MARCHF3: variants seen among roughly 807,000 people sequenced by gnomAD.
The protein encoded by MARCHF3 is membrane associated ring-CH-type finger 3.
Under a neutral mutation model 24.2 loss-of-function variants are expected in MARCHF3, and 13 were observed. The ratio of observed to expected loss-of-function variants is 0.54; its 90% confidence interval spans 0.35 to 0.85. The LOEUF (loss-of-function observed/expected upper bound fraction) is 0.85, where lower values mean the gene tolerates loss of function less well. Ranked by LOEUF, MARCHF3 falls within the 40% of genes least tolerant of loss-of-function variation. MARCHF3 has a pLI of 0.01. For synonymous variants in MARCHF3, 144 were observed against 137.3 expected (o/e 1.05, Z -0.34); for missense variants, 276 against 325.0 (o/e 0.85, Z 1.16).
intron 1 of MARCHF3, among the ~76,000 whole-genome samples, chr5:126,977,135 G>A (rs906199151): frequency 1.1e-4 from 17 of 152,212 alleles, no homozygotes; most frequent in Admixed American, 1.0e-3. Context: ...TGGGTCCGAG[G>A]TAAATAGCAG....
At chr5:127,000,542 T>C (rs1436862521) in intron 1 of MARCHF3, among the ~76,000 whole-genome samples, 1 of 152,102 alleles carries the variant, frequency 6.6e-6, no homozygotes, top group Non-Finnish European at 1.5e-5. Context: ...TGAAACAATC[T>C]TCACTCCACA....
At chr5:126,967,304 G>A (rs761743803) in intron 1 of MARCHF3, among the ~76,000 whole-genome samples, 9 of 152,030 alleles carry the variant, frequency 5.9e-5, no homozygotes, top group Non-Finnish European at 5.9e-5. Flanking sequence ...CACGATATGC[G>A]ATTCTTGTAA....
intron 1 of MARCHF3, among the ~76,000 whole-genome samples, chr5:126,953,167 T>C (rs1445280932): frequency 6.6e-6 from 1 of 152,202 alleles, no homozygotes; most frequent in Admixed American, 6.5e-5. Context: ...CAGGCAGTTC[T>C]AATTGCCTTT....
At chr5:126,974,727 C>T (rs1751139454) in intron 1 of MARCHF3, among the ~76,000 whole-genome samples, 1 of 152,188 alleles carries the variant, frequency 6.6e-6, no homozygotes, top group South Asian at 2.1e-4. Context: ...ACTGTGTTTA[C>T]TCAGACAATA....
intron 4 of MARCHF3, among the ~76,000 whole-genome samples, chr5:126,872,074 C>A (rs370556230): frequency 1.1e-5 from 1 of 94,514 alleles, no homozygotes. Context: ...AGATCCTTGT[C>A]TTTTTTTTTT....
chr5:126,944,036 T>C (rs1257057053), intron 1 of MARCHF3, among the ~76,000 whole-genome samples: 2 of 151,932 alleles, frequency 1.3e-5, no homozygotes. Flanking sequence ...TGTCTTGAAC[T>C]CCTGACCTCA....
chr5:127,000,771 T>G (rs1356486880), intron 1 of MARCHF3, among the ~76,000 whole-genome samples: 3 of 152,128 alleles, frequency 2.0e-5, no homozygotes, highest in Admixed American at 6.5e-5. Context: ...CTATCTCGGC[T>G]CACTGCAAGC....
intron 1 of MARCHF3, among the ~76,000 whole-genome samples, chr5:126,966,085 C>G (rs1750804492): frequency 6.6e-6 from 1 of 152,088 alleles, no homozygotes; most frequent in Non-Finnish European, 1.5e-5. Flanking sequence ...AAGCTGGACA[C>G]AAGAATGTTT....
intron 1 of MARCHF3, among the ~76,000 whole-genome samples, chr5:127,006,738 A>G (rs73337292): frequency 0.016 from 2,462 of 152,302 alleles, 67 homozygotes; most frequent in African/African-American, 0.053. Context: ...TGTGAGGTAC[A>G]AAAGATTTTC....
chr5:126,906,830 T>A (rs1032546891), intron 3 of MARCHF3, among the ~76,000 whole-genome samples: 2 of 152,180 alleles, frequency 1.3e-5, no homozygotes, highest in African/African-American at 4.8e-5. Context: ...AGTTCTGCTC[T>A]GATTTTAGTT....
intron 1 of MARCHF3, among the ~76,000 whole-genome samples, chr5:126,922,981 C>G (rs1489386533): frequency 2.6e-5 from 4 of 152,322 alleles, no homozygotes; most frequent in Middle Eastern, 3.4e-3. Context: ...GAGCCTCATC[C>G]TTGCATGTCC....
rs1434139973 is a variant in MARCHF3, at chr5:126,868,627, C to T, written c.*2006G>A. 6.6e-6 allele frequency: 1 copy of T among 152,208 alleles called. No homozygotes were observed. Among genetic ancestry groups the T allele is most frequent in the East Asian group, 1.9e-4 (1 of 5,196 alleles). The allele number at this position is 152,208 out of a possible 1,614,324, so 9.4% of individuals were successfully genotyped here. ...AGGAAATCATCCTGGAAATCCGCTG[C>T]TTCCTTAATTCATGCAAGAAACAGG... On this transcript the variant is annotated 3_prime_UTR_variant, in exon 5 of 5. Transcript: ENST00000308660.
At chr5:126,988,477 T>C (rs1320462751) in intron 1 of MARCHF3, among the ~76,000 whole-genome samples, 1 of 152,218 alleles carries the variant, frequency 6.6e-6, no homozygotes, top group Admixed American at 6.5e-5. Flanking sequence ...CCCTGACTCC[T>C]GAAGACACAG....
intron 3 of MARCHF3, among the ~76,000 whole-genome samples, chr5:126,878,699 T>C (rs529160654): frequency 9.8e-5 from 15 of 152,330 alleles, no homozygotes; most frequent in Non-Finnish European, 1.0e-4. Flanking sequence ...AGAGAGAATG[T>C]TACGCTTGGA....
chr5:127,009,823 A>G (rs1752422898), intron 1 of MARCHF3, among the ~76,000 whole-genome samples: 1 of 152,214 alleles, frequency 6.6e-6, no homozygotes, highest in Non-Finnish European at 1.5e-5. Flanking sequence ...GGTAAAGGAA[A>G]CAGCCAAAAT....
chr5:126,930,558 C>G (rs1749448490), intron 1 of MARCHF3, among the ~76,000 whole-genome samples: 1 of 152,226 alleles, frequency 6.6e-6, no homozygotes, highest in South Asian at 2.1e-4. Flanking sequence ...CTCAGGCTTT[C>G]TGATCCAACA....
chr5:127,009,791 T>C (rs1232608766), intron 1 of MARCHF3, among the ~76,000 whole-genome samples: 2 of 152,196 alleles, frequency 1.3e-5, no homozygotes, highest in Admixed American at 6.5e-5. Context: ...ACACATTTAG[T>C]TGGGCTCTTC....
Position 126,907,070 on chromosome 5 carries a change from T to C in MARCHF3, c.393+7860A>G, listed in dbSNP as rs1488904866. 5.3e-5 allele frequency among the ~76,000 whole-genome samples: 8 copies of C among 151,964 alleles called. 1 individual carries two copies. The highest frequency in any genetic ancestry group is 1.5e-5 in the Non-Finnish European group (1 of 68,048). Reference sequence around the variant, plus strand: ...ATCTTTATTTCTGCCTTCATTTCGTTACGTACCCAGTAGTCATTCAGGAGC... The same window carrying C: ...ATCTTTATTTCTGCCTTCATTTCGTCACGTACCCAGTAGTCATTCAGGAGC... On this transcript the variant is annotated intron_variant, in intron 3 of 4. Coordinates refer to ENST00000308660, the MANE Select transcript of MARCHF3 (RefSeq NM_178450.5).
chr5:126,909,740 C>T (rs1754450475), intron 3 of MARCHF3, among the ~76,000 whole-genome samples: 1 of 152,186 alleles, frequency 6.6e-6, no homozygotes, highest in Non-Finnish European at 1.5e-5. Flanking sequence ...GAACCTGGTA[C>T]CTCAGATGGA....
Sources: allele counts gnomAD v4.1 joint callset (sites outside exome capture counted in the v4.1 genomes callset), GRCh38; gene constraint gnomAD v4.1.1; transcripts MANE v1.5; gene names NCBI Gene and HGNC (gene_info 2026-07-23, HGNC 2026-07-21).